IDO2: variants seen among roughly 807,000 people sequenced by gnomAD.
The protein encoded by IDO2 is indoleamine 2,3-dioxygenase-like 1 protein.
Under a neutral mutation model 45.1 loss-of-function variants are expected in IDO2, and 46 were observed. The observed-to-expected ratio is 1.02, with a 90% CI of 0.80 to 1.30. The LOEUF (loss-of-function observed/expected upper bound fraction) is 1.30. Ranked by LOEUF, IDO2 falls within the 50% of genes most tolerant of loss-of-function variation. IDO2 has a pLI of 0.00. For missense variants in IDO2, 544 were observed against 491.8 expected (o/e 1.11, Z -1.00); for synonymous variants, 218 against 184.9 (o/e 1.18, Z -1.45).
intron 2 of IDO2, among the ~76,000 whole-genome samples, chr8:39,959,199 C>T (rs1346990567): frequency 6.6e-6 from 1 of 151,924 alleles, no homozygotes; most frequent in East Asian, 1.9e-4. Context: ...GCTCTGCCTC[C>T]CAGGTTCAGG....
intron 1 of IDO2, among the ~76,000 whole-genome samples, chr8:39,941,817 G>T (rs1291967560): frequency 1.3e-5 from 2 of 152,096 alleles, no homozygotes; most frequent in Non-Finnish European, 2.9e-5. Context: ...GGACATGGTG[G>T]CTCACATCTG....
intron 7 of IDO2, among the ~76,000 whole-genome samples, chr8:39,988,364 A>C (rs1808454276): frequency 6.6e-6 from 1 of 152,024 alleles, no homozygotes; most frequent in African/African-American, 2.4e-5. Context: ...GACAGGTATC[A>C]GGAAGGCTGG....
intron 1 of IDO2, among the ~76,000 whole-genome samples, chr8:39,946,448 G>T (rs1344118032): frequency 3.9e-5 from 6 of 151,990 alleles, no homozygotes; most frequent in Non-Finnish European, 8.8e-5. Context: ...TCTACTAAAA[G>T]TACAAAAAAT....
In IDO2 at chr8:39,971,580, G is replaced by A. The variant is rs146734567; in HGVS notation, c.196-7487G>A. The stretch of plus-strand genomic sequence containing the variant: ...GCAAAGTCAAATGGAAACCTGGAAA[G>A]GATTCACTATTCTAGATACTATTAA... On this transcript the variant is annotated intron_variant, in intron 3 of 10. Transcript: ENST00000502986. 8.3e-4 allele frequency among the ~76,000 whole-genome samples: 126 copies of A among 152,246 alleles called. 1 individual carries two copies. The highest frequency in any genetic ancestry group is 3.4e-3 in the Middle Eastern group (1 of 294).
intron 2 of IDO2, among the ~76,000 whole-genome samples, chr8:39,959,028 GT>G (rs1203745331): frequency 6.6e-6 from 1 of 151,818 alleles, no homozygotes; most frequent in Non-Finnish European, 1.5e-5. Flanking sequence ...ACATCTAGAG[GT>G]TTTCCCTTTG....
At chr8:40,008,839 A>C (rs1191716906) in intron 9 of IDO2, among the ~76,000 whole-genome samples, 1 of 152,180 alleles carries the variant, frequency 6.6e-6, no homozygotes, top group Non-Finnish European at 1.5e-5. Context: ...TCTTACCCTC[A>C]AAATATTTCC....
chr8:39,941,220 T>TAAAAAA (rs1585393190), intron 1 of IDO2, among the ~76,000 whole-genome samples: 2 of 12,022 alleles, frequency 1.7e-4, no homozygotes, highest in Admixed American at 1.3e-3. Flanking sequence ...AGACTCCATC[T>TAAAAAA]CAAAAAAAAA....
At chr8:39,978,250 G>A (rs1808291712) in intron 3 of IDO2, among the ~76,000 whole-genome samples, 1 of 152,188 alleles carries the variant, frequency 6.6e-6, no homozygotes, top group South Asian at 2.1e-4. Context: ...AACACCCCCT[G>A]CCGCCCTCCT....
intron 10 of IDO2, among the ~76,000 whole-genome samples, chr8:40,014,383 A>C (rs182306925): frequency 7.2e-5 from 11 of 152,246 alleles, no homozygotes; most frequent in African/African-American, 1.9e-4. Flanking sequence ...ATAATATTAA[A>C]CCCATAACGA....
intron 3 of IDO2, among the ~76,000 whole-genome samples, chr8:39,978,221 A>G (rs1012411315): frequency 2.0e-5 from 3 of 152,186 alleles, no homozygotes; most frequent in African/African-American, 7.2e-5. Context: ...CGGTGCCTGG[A>G]GATTAAAAGG....
intron 8 of IDO2, among the ~76,000 whole-genome samples, chr8:39,997,507 C>CAA (rs71552852): frequency 1.1e-4 from 17 of 151,494 alleles, no homozygotes; most frequent in African/African-American, 2.9e-4. Flanking sequence ...CCCATCTCTA[C>CAA]AAAAAAATAC....
intron 7 of IDO2, 86 bp downstream of exon 7, chr8:39,988,056 T>C (rs766307511): frequency 1.3e-6 from 1 of 752,254 alleles, no homozygotes; most frequent in Non-Finnish European, 2.3e-6. Flanking sequence ...AGTGGATTTC[T>C]CAACACAAAT....
At chr8:39,945,754 T>C (rs1014037811) in intron 1 of IDO2, among the ~76,000 whole-genome samples, 2 of 152,196 alleles carry the variant, frequency 1.3e-5, no homozygotes, top group Non-Finnish European at 2.9e-5. Context: ...GCTTAGGATT[T>C]CATTTATATC....
At chr8:40,001,097 G>A (rs771711492) in intron 8 of IDO2, among the ~76,000 whole-genome samples, 7 of 151,988 alleles carry the variant, frequency 4.6e-5, no homozygotes, top group Non-Finnish European at 7.4e-5. Context: ...TCAAAGTACC[G>A]AGATTGATTA....
intron 1 of IDO2, among the ~76,000 whole-genome samples, chr8:39,947,625 G>A (rs1011592406): frequency 3.9e-5 from 6 of 152,248 alleles, no homozygotes; most frequent in East Asian, 3.9e-4. Flanking sequence ...TCCAGCCAAC[G>A]GAAACTGGAC....
At chr8:39,991,326 C>A (rs751799676) in intron 8 of IDO2, among the ~76,000 whole-genome samples, 2 of 152,124 alleles carry the variant, frequency 1.3e-5, no homozygotes, top group Admixed American at 1.3e-4. Flanking sequence ...CTTTGCCAAG[C>A]TGAAATGAGA....
chr8:39,965,824 G>C (rs1199034685), intron 3 of IDO2, among the ~76,000 whole-genome samples: 1 of 152,048 alleles, frequency 6.6e-6, no homozygotes, highest in Non-Finnish European at 1.5e-5. Context: ...TAGGAGACAG[G>C]CATGGAACAG....
At chr8:40,015,011 C>G (rs1466477259) in intron 10 of IDO2, among the ~76,000 whole-genome samples, 1 of 152,010 alleles carries the variant, frequency 6.6e-6, no homozygotes, top group Non-Finnish European at 1.5e-5. Context: ...AAAATATTAG[C>G]TGGGTGTGGT....
At chr8:39,958,012 T>C (rs1261587594) in intron 2 of IDO2, among the ~76,000 whole-genome samples, 1 of 151,218 alleles carries the variant, frequency 6.6e-6, no homozygotes. Context: ...TTCACGCCAT[T>C]CTCCCGCCTC....
Sources: allele counts gnomAD v4.1 joint callset (sites outside exome capture counted in the v4.1 genomes callset), GRCh38; gene constraint gnomAD v4.1.1; transcripts MANE v1.5; gene names NCBI Gene and HGNC (gene_info 2026-07-23, HGNC 2026-07-21).